The following CFAP61 variants were observed in gnomAD, a reference collection of about 807,000 sequenced individuals.
CFAP61 encodes the protein cilia- and flagella-associated protein 61.
Under a neutral mutation model 135.6 loss-of-function variants are expected in CFAP61, and 107 were observed. The observed-to-expected ratio is 0.79, with a 90% CI of 0.67 to 0.93. The LOEUF (loss-of-function observed/expected upper bound fraction) is 0.93. Among genes scored for constraint, CFAP61 ranks in the 40% least tolerant of loss-of-function variants. CFAP61 has a pLI of 0.00. For missense variants in CFAP61, 1,507 were observed against 1,556.2 expected (o/e 0.97, Z 0.53); for synonymous variants, 575 against 578.5 (o/e 0.99, Z 0.09).
intron 9 of CFAP61, among the ~76,000 whole-genome samples, chr20:20,154,303 G>A (rs2052697746): frequency 6.6e-6 from 1 of 152,036 alleles, no homozygotes; most frequent in Non-Finnish European, 1.5e-5. Flanking sequence ...AACAAGACGA[G>A]GATGCACATT....
At chr20:20,244,821 T>C (rs1032527406) in intron 18 of CFAP61, among the ~76,000 whole-genome samples, 5 of 152,260 alleles carry the variant, frequency 3.3e-5, no homozygotes, top group African/African-American at 9.6e-5. Flanking sequence ...TAAAACTGAA[T>C]GCCTTTAACA....
chr20:20,263,230 T>A, intron 21 of CFAP61, 100 bp downstream of exon 21: 1 of 791,078 alleles, frequency 1.3e-6, no homozygotes, highest in Non-Finnish European at 1.9e-6. Context: ...AGTGCCTAAT[T>A]AATTCCAACC....
chr20:20,167,893 G>A (rs939039167), intron 12 of CFAP61, among the ~76,000 whole-genome samples: 6 of 152,150 alleles, frequency 3.9e-5, no homozygotes, highest in African/African-American at 9.7e-5. Flanking sequence ...GGAAGAGCAG[G>A]CTGCTTCTGC....
intron 12 of CFAP61, 112 bp downstream of exon 12, chr20:20,166,548 A>T (rs1227440480): frequency 1.2e-6 from 1 of 800,426 alleles, no homozygotes; most frequent in East Asian, 2.6e-5. Context: ...TGTTCGGAGA[A>T]TAAGGTCAAA....
chr20:20,104,910 G>T (rs2048271485), intron 8 of CFAP61, among the ~76,000 whole-genome samples: 1 of 152,116 alleles, frequency 6.6e-6, no homozygotes, highest in South Asian at 2.1e-4. Flanking sequence ...CAGTCACAAT[G>T]CATTAGGGCT....
intron 17 of CFAP61, among the ~76,000 whole-genome samples, chr20:20,201,381 CCCA>C (rs755026219): frequency 6.6e-6 from 1 of 152,140 alleles, no homozygotes; most frequent in African/African-American, 2.4e-5. Context: ...GATCTGTGCC[CCCA>C]CCACTTCCCC....
At position 20,337,280 on chromosome 20, in the gene CFAP61, GGATGGATGGATA is replaced by G. The variant is rs2058234643; in HGVS notation, c.3423-4539_3423-4528del. On this transcript the variant is annotated intron_variant, in intron 25 of 26. Transcript: ENST00000245957. Reference sequence around the variant, plus strand: ...GGATGGACAGAATGGGTGGGTGGATGGATGGATGGATAGATGGATGGATGGATGGATGGATGG... The same window carrying G: ...GGATGGACAGAATGGGTGGGTGGATGGATGGATGGATGGATGGATGGATGG... Among the ~76,000 whole-genome samples the G allele has an allele frequency of 1.2e-4, 3 of 25,858 alleles. 1 individual carries two copies. Among genetic ancestry groups the G allele is most frequent in the East Asian group, 3.0e-3 (1 of 330 alleles). 17.0% of individuals were successfully genotyped at this position (25,858 alleles called of 152,430 possible). A position where few individuals can be genotyped will look rare whatever the true frequency, so the allele number is the denominator to read the frequency against.
chr20:20,201,598 C>G, intron 17 of CFAP61, among the ~76,000 whole-genome samples: 1 of 152,166 alleles, frequency 6.6e-6, no homozygotes, highest in Non-Finnish European at 1.5e-5. Context: ...AGAGCCAACA[C>G]CCAGAAGTTT....
At chr20:20,318,682 GA>G (rs2057273272) in intron 25 of CFAP61, among the ~76,000 whole-genome samples, 1 of 152,178 alleles carries the variant, frequency 6.6e-6, no homozygotes, top group Admixed American at 6.5e-5. Context: ...GTGCCACCTT[GA>G]AAAGTTCCTG....
At chr20:20,157,722 T>G (rs1475194133) in intron 9 of CFAP61, among the ~76,000 whole-genome samples, 1 of 152,188 alleles carries the variant, frequency 6.6e-6, no homozygotes, top group Non-Finnish European at 1.5e-5. Flanking sequence ...TAAGATTTCT[T>G]AGAAACAACA....
Position 20,290,293 on chromosome 20 carries a change from C to T in CFAP61, c.3125-7C>T, listed in dbSNP as rs1446800096. On this transcript the variant is annotated splice_region_variant and splice_polypyrimidine_tract_variant and intron_variant, in intron 23 of 26. Transcript: ENST00000245957. ...ATTTTAAATGGAAAACTTGCCATCT[C>T]TTCTAGGGGGCATTCTTCCTGGGTC... 2 of 1,591,768 alleles carry T rather than the reference C, an allele frequency of 1.3e-6. No individual in the cohort carries two copies. The highest frequency in any genetic ancestry group is 1.7e-6 in the Non-Finnish European group (2 of 1,159,520).
chr20:20,335,203 C>T (rs908478855), intron 25 of CFAP61, among the ~76,000 whole-genome samples: 3 of 152,070 alleles, frequency 2.0e-5, no homozygotes, highest in Admixed American at 1.3e-4. Flanking sequence ...CCAGAGTGTT[C>T]GGTTTTGGAG....
At chr20:20,129,400 C>T (rs996136958) in intron 8 of CFAP61, among the ~76,000 whole-genome samples, 1 of 151,846 alleles carries the variant, frequency 6.6e-6, no homozygotes, top group Non-Finnish European at 1.5e-5. Context: ...CTCACTCCCA[C>T]CTGCCCTGTA....
Position 20,318,483 on chromosome 20 carries a change from C to T in CFAP61, c.3422+20097C>T, listed in dbSNP as rs576524582. Among the ~76,000 whole-genome samples the T allele has an allele frequency of 6.6e-5, 10 of 152,300 alleles. No homozygotes were observed. The South Asian group carries it at 8.3e-4, about 13-fold the overall frequency. On this transcript the variant is annotated intron_variant, in intron 25 of 26. Transcript: ENST00000245957. Reference sequence around the variant, plus strand: ...CCAGCGGACACTGGGAGGAGACTTTCGTGTCTCCCACAGCTAAACCGAGGA... The same window carrying T: ...CCAGCGGACACTGGGAGGAGACTTTTGTGTCTCCCACAGCTAAACCGAGGA...
At chr20:20,163,329 C>T (rs1375581091) in intron 10 of CFAP61, among the ~76,000 whole-genome samples, 1 of 152,178 alleles carries the variant, frequency 6.6e-6, no homozygotes, top group Non-Finnish European at 1.5e-5. Context: ...CTGTGGTCCA[C>T]TGGACCTTCC....
At chr20:20,257,089 A>G (rs2051671884) in intron 20 of CFAP61, among the ~76,000 whole-genome samples, 1 of 152,234 alleles carries the variant, frequency 6.6e-6, no homozygotes, top group Non-Finnish European at 1.5e-5. Flanking sequence ...AAAAGAATAA[A>G]AATAAAACAG....
chr20:20,155,882 G>GA (rs2052862189), intron 9 of CFAP61, among the ~76,000 whole-genome samples: 1 of 152,164 alleles, frequency 6.6e-6, no homozygotes, highest in African/African-American at 2.4e-5. Flanking sequence ...AGAATTAAAA[G>GA]TAGAACTACC....
chr20:20,242,250 A>G (rs959804484), intron 18 of CFAP61, among the ~76,000 whole-genome samples: 5 of 152,156 alleles, frequency 3.3e-5, no homozygotes, highest in African/African-American at 7.2e-5. Context: ...CATTTGGTTG[A>G]TTGAAGGGGA....
At chr20:20,186,238 T>A (rs2055488351) in intron 13 of CFAP61, among the ~76,000 whole-genome samples, 1 of 152,252 alleles carries the variant, frequency 6.6e-6, no homozygotes. Flanking sequence ...TAAATTTGCC[T>A]ATTCTGGACA....
Sources: gnomAD v4.1 joint callset for allele counts (sites outside exome capture counted in the v4.1 genomes callset) on GRCh38, gnomAD v4.1.1 for gene constraint, MANE v1.5 for transcripts, NCBI Gene and HGNC (gene_info 2026-07-23, HGNC 2026-07-21) for gene names.